TEPSIN: variants seen among roughly 807,000 people sequenced by gnomAD.
TEPSIN encodes AP-4 complex accessory subunit tepsin.
Under a neutral mutation model 48.5 loss-of-function variants are expected in TEPSIN, and 50 were observed. The ratio of observed to expected loss-of-function variants is 1.03; its 90% CI spans 0.82 to 1.31. The LOEUF (loss-of-function observed/expected upper bound fraction) is 1.31, where lower values mean the gene tolerates loss of function less well. TEPSIN is among the 50% of genes most tolerant of loss of function. TEPSIN has a pLI of 0.00. For synonymous variants in TEPSIN, 392 were observed against 358.8 expected (o/e 1.09, Z -1.05); for missense variants, 838 against 815.9 (o/e 1.03, Z -0.33).
At chr17:81,232,869 C>G (rs994462817) in intron 7 of TEPSIN, 1 of 271,912 alleles carries the variant, frequency 3.7e-6, no homozygotes, top group East Asian at 7.7e-5. Context: ...GTGTGAGTTC[C>G]CTGTAGAAGC....
In TEPSIN at chr17:81,233,991, G is replaced by T. The variant is rs541389707; in HGVS notation, c.365C>A (p.Ala122Glu). ...HGNSLYQKVR[A>E]AAQDLGSTLF... ...TGCTCCTGGGCTCACCTGCGCGGCCGCGCGAACCTTCTGGTACAAGCTGTT... is the reference window on the plus strand; with the variant it reads ...TGCTCCTGGGCTCACCTGCGCGGCCTCGCGAACCTTCTGGTACAAGCTGTT... Residue 122 changes from alanine to glutamate, a missense_variant, in exon 5 of 13, where the codon GCG (alanine) becomes GAG (glutamate). Transcript: ENST00000637944. This position sits in a 1 kb window ranked among gnomAD's most constrained non-coding sequence, Gnocchi z 5.8. 1.9e-6 allele frequency: 3 copies of T among 1,599,364 alleles called. No individual in the cohort carries two copies. Among genetic ancestry groups the T allele is most frequent in the East Asian group, 2.2e-5 (1 of 44,534 alleles).
At position 81,229,414 on chromosome 17, in the gene TEPSIN, C is replaced by A. The variant is rs746065098; in HGVS notation, c.1296G>T (p.Glu432Asp). 16 of 1,550,528 alleles carry A rather than the reference C, an allele frequency of 1.0e-5. No individual in the cohort carries two copies. In the South Asian group the frequency reaches 1.3e-4, roughly 13 times the overall value. The change falls in exon 13 of 13, where the codon GAG becomes GAT. Residue 432 changes from glutamate to aspartate, a missense_variant. Physicochemically the swap from Glu to Asp is conservative, Grantham distance 45. Coordinates refer to ENST00000637944, the MANE Select transcript of TEPSIN (RefSeq NM_001363764.2). ...QLSPARGTSA[E>D]PGPTAALPGP... ...CTGGGAGGGCGGCTGTGGGGCCAGG[C>A]TCAGCTGAGGTGCCCCGGGCAGGGG... is the stretch of plus-strand genomic sequence containing the variant.
At position 81,237,495 on chromosome 17, in the gene TEPSIN, G is replaced by A. The variant is rs759188677; in HGVS notation, c.49-36C>T. The A allele has an allele frequency of 1.9e-6, 3 of 1,580,832 alleles. No homozygotes were observed. The African/African-American group carries it at 4.0e-5, about 21-fold the overall frequency. On this transcript the variant is annotated intron_variant, in intron 1 of 12. Coordinates refer to ENST00000637944, the MANE Select transcript of TEPSIN (RefSeq NM_001363764.2). ...ACAAGAGCCCCTACCATGATGAGGTGCCATTTCCCACAGGGGTGAATCCGC... is the reference window on the plus strand; with the variant it reads ...ACAAGAGCCCCTACCATGATGAGGTACCATTTCCCACAGGGGTGAATCCGC...
chr17:81,228,938 A>G lies in TEPSIN; in HGVS notation c.1772T>C (p.Leu591Pro). 1 of 1,613,498 alleles carries G rather than the reference A, an allele frequency of 6.2e-7. No homozygotes were observed. Among genetic ancestry groups the G allele is most frequent in the East Asian group, 2.2e-5 (1 of 44,868 alleles). The change falls in exon 13 of 13, where the codon CTG becomes CCG. Residue 591 changes from leucine to proline, a missense_variant. Physicochemically the swap from Leu to Pro is moderately conservative, Grantham distance 98. Coordinates refer to ENST00000637944, the MANE Select transcript of TEPSIN (RefSeq NM_001363764.2). ...GGCCAGGCCATCGGGTCAGGCGTTCAGGAACGCGAAAGCTGACGGCTCTGA... is the reference window on the plus strand; with the variant it reads ...GGCCAGGCCATCGGGTCAGGCGTTCGGGAACGCGAAAGCTGACGGCTCTGA... ...PGSEPSAFAF[L>P]NA
Position 81,236,712 on chromosome 17 carries a change from A to G in TEPSIN, c.303T>C (p.Ala101=). Residue 101 remains alanine, a synonymous_variant, in exon 4 of 13, where the codon GCT becomes GCC. Transcript: ENST00000637944. The stretch of plus-strand genomic sequence containing the variant: ...GCGCGTGCGCGGCCCCTGTACCTGC[A>G]GCTTCCTGGATGAAGGCAGAGTTGC... ...LKRNSAFIQE[A]AAFAGPPDPL... 6.4e-7 allele frequency: 1 copy of G among 1,561,470 alleles called. No individual in the cohort carries two copies. The highest frequency in any genetic ancestry group is 2.4e-5 in the East Asian group (1 of 41,598).
chr17:81,234,611 C>T lies in TEPSIN; in HGVS notation c.308-563G>A, dbSNP rs2062688403. Among the ~76,000 whole-genome samples, 1 of 152,104 alleles carries T rather than the reference C, an allele frequency of 6.6e-6. No individual in the cohort carries two copies. Among genetic ancestry groups the T allele is most frequent in the Non-Finnish European group, 1.5e-5 (1 of 68,014 alleles). The stretch of plus-strand genomic sequence containing the variant: ...AGGCTGAGAGCTGTGCCTCTGAGAA[C>T]CCCTCGAGAGCCTCTGTCACAGGCG... On this transcript the variant is annotated intron_variant, in intron 4 of 12. Transcript: ENST00000637944. This position sits in a 1 kb window ranked among gnomAD's most constrained non-coding sequence, Gnocchi z 5.4.
intron 1 of TEPSIN, chr17:81,238,082 G>A: frequency 7.1e-6 from 7 of 987,828 alleles, no homozygotes; most frequent in Non-Finnish European, 8.4e-6. Flanking sequence ...ACAGAATAGA[G>A]TTCAAGAGTA....
At chr17:81,237,712 T>G (rs944485665) in intron 1 of TEPSIN, 1 of 567,248 alleles carries the variant, frequency 1.8e-6, no homozygotes, top group Middle Eastern at 4.8e-4. Flanking sequence ...GCTGCGCCAC[T>G]TGGGTTAAGA....
intron 11 of TEPSIN, 118 bp downstream of exon 11, chr17:81,231,280 G>A: frequency 9.1e-7 from 1 of 1,095,172 alleles, no homozygotes; most frequent in East Asian, 2.6e-5. Flanking sequence ...CAGCCACACA[G>A]AGGAATGTTC....
At chr17:81,236,280 G>T (rs531146289) in intron 4 of TEPSIN, among the ~76,000 whole-genome samples, 35 of 152,350 alleles carry the variant, frequency 2.3e-4, no homozygotes, top group African/African-American at 8.4e-4. Context: ...GCTCCGAGGA[G>T]CAGCCCCAGA....
rs757516751 is a variant in TEPSIN at position 81,234,019 on chromosome 17, C to T, written c.337G>A (p.Gly113Arg). 36 of 1,596,616 alleles carry T rather than the reference C, an allele frequency of 2.3e-5. No homozygotes were observed. Among genetic ancestry groups the T allele is most frequent in the Middle Eastern group, 1.7e-4 (1 of 6,010 alleles). ...AFAGPPDPLH[G>R]NSLYQKVRAA... ...CGAACCTTCTGGTACAAGCTGTTCC[C>T]GTGCAGAGGATCTGGGGGCCCTGCA... Residue 113 changes from glycine to arginine, a missense_variant, in exon 5 of 13, where the codon GGG becomes AGG. By Grantham distance (125) the Gly-to-Arg change is moderately radical. Transcript: ENST00000637944. This position sits in a 1 kb window ranked among gnomAD's most constrained non-coding sequence, Gnocchi z 5.4.
Position 81,229,202 on chromosome 17 carries a change from T to C in TEPSIN, c.1508A>G (p.Glu503Gly). Residue 503 changes from glutamate (E) to glycine (G), a missense_variant, in exon 13 of 13, where the codon GAG (glutamate) becomes GGG (glycine). Coordinates refer to ENST00000637944, the MANE Select transcript of TEPSIN (RefSeq NM_001363764.2). ...IPAPGDPSEA[E>G]ARLAESRRWR... ...CCGCCTGCTTTCTGCCAGTCTGGCC[T>C]CGGCCTCGCTGGGGTCTCCGGGGGC... 1 of 1,448,344 alleles carries C rather than the reference T, an allele frequency of 6.9e-7. No individual in the cohort carries two copies. Among genetic ancestry groups the C allele is most frequent in the Non-Finnish European group, 9.2e-7 (1 of 1,081,538 alleles). 89.7% of individuals were successfully genotyped at this position (1,448,344 alleles called of 1,614,324 possible). A position where few individuals can be genotyped will look rare whatever the true frequency, so the allele number is the denominator to read the frequency against.
Position 81,228,655 on chromosome 17 carries a change from C to T in TEPSIN, c.*273G>A. ...GCTTCCGCATTCATACAAGAAACCT[C>T]ATGTCTGAGAGCAAGACAGGCAGGG... On this transcript the variant is annotated 3_prime_UTR_variant, in exon 13 of 13. Coordinates refer to ENST00000637944, the MANE Select transcript of TEPSIN (RefSeq NM_001363764.2). 1 of 532,154 alleles carries T rather than the reference C, an allele frequency of 1.9e-6. No homozygotes were observed. The highest frequency in any genetic ancestry group is 3.5e-5 in the East Asian group (1 of 28,870). The allele number at this position is 532,154 out of a possible 1,614,324, so 33.0% of individuals were successfully genotyped here.
chr17:81,232,073 A>G (rs1395128162), intron 8 of TEPSIN, 52 bp from the exon 9 acceptor site: 6 of 1,575,506 alleles, frequency 3.8e-6, no homozygotes, highest in Non-Finnish European at 5.2e-6. Flanking sequence ...GGCCAGCCCC[A>G]TGCCCACCTC....
At position 81,231,637 on chromosome 17, in the gene TEPSIN, A is replaced by C; in HGVS notation, c.960T>G (p.Thr320=). The part of the protein sequence containing the change: ...DCQQELSLVR[T]VTRGPRAFLS... The stretch of plus-strand genomic sequence containing the variant: ...GGAAGGCGCGTGGTCCCCGAGTCAC[A>C]GTCCTCACCAAGCTCAACTCCTGCT... Residue 320 remains threonine (T), a synonymous_variant, in exon 10 of 13, where the codon ACT becomes ACG. Coordinates refer to ENST00000637944, the MANE Select transcript of TEPSIN (RefSeq NM_001363764.2). The C allele has an allele frequency of 2.5e-6, 4 of 1,613,222 alleles. No individual in the cohort carries two copies. Among genetic ancestry groups the C allele is most frequent in the Non-Finnish European group, 3.4e-6 (4 of 1,179,756 alleles).
Position 81,236,802 on chromosome 17 carries a change from C to T in TEPSIN, c.214-1G>A, listed in dbSNP as rs1306043727. 6.4e-7 allele frequency: 1 copy of T among 1,563,046 alleles called. No individual in the cohort carries two copies. The highest frequency in any genetic ancestry group is 8.7e-7 in the Non-Finnish European group (1 of 1,154,604). Reference sequence around the variant, plus strand: ...ACAGATAGAGCAGGATCTTCAGCACCTGGGGAGTGGGGCGGTCAGCAGTGC... The same window carrying T: ...ACAGATAGAGCAGGATCTTCAGCACTTGGGGAGTGGGGCGGTCAGCAGTGC... On this transcript the variant is annotated splice_acceptor_variant, in intron 3 of 12. Coordinates refer to ENST00000637944, the MANE Select transcript of TEPSIN (RefSeq NM_001363764.2). LOFTEE classifies it high-confidence loss of function.
chr17:81,232,337 G>C lies in TEPSIN; in HGVS notation c.708C>G (p.Pro236=). The C allele has an allele frequency of 6.5e-7, 1 of 1,533,810 alleles. No homozygotes were observed. The highest frequency in any genetic ancestry group is 2.5e-5 in the East Asian group (1 of 40,816). Residue 236 remains proline (P), a synonymous_variant, in exon 8 of 13, where the codon CCC becomes CCG. Transcript: ENST00000637944. Reference sequence around the variant, plus strand: ...TACCTCGGGGACCTGGAATGGCCCCGGGGAGTAGGTTCCCCAGGGTTGGGG... The same window carrying C: ...TACCTCGGGGACCTGGAATGGCCCCCGGGAGTAGGTTCCCCAGGGTTGGGG... ...HGPPTLGNLL[P]GAIPGPRAVR...
chr17:81,238,922 C>T (rs2062775238), intron 1 of TEPSIN, 64 bp downstream of exon 1: 14 of 1,397,706 alleles, frequency 1.0e-5, no homozygotes, highest in South Asian at 1.5e-5. Context: ...CGGGGCGAGT[C>T]CGGGGAATGC....
intron 9 of TEPSIN, 77 bp downstream of exon 9, chr17:81,231,770 G>A (rs2062616607): frequency 6.2e-7 from 1 of 1,606,648 alleles, no homozygotes; most frequent in South Asian, 1.1e-5. Flanking sequence ...AGAACCTGGA[G>A]AGCAGGAGCC....
Sources: allele counts gnomAD v4.1 joint callset (sites outside exome capture counted in the v4.1 genomes callset), GRCh38; gene constraint gnomAD v4.1.1; non-coding constraint Gnocchi (gnomAD v3.1); transcripts MANE v1.5; gene names NCBI Gene and HGNC (gene_info 2026-07-23, HGNC 2026-07-21).